The following CCDC93 variants were observed in gnomAD, a reference collection of about 807,000 sequenced individuals.
The protein encoded by CCDC93 is coiled-coil domain-containing protein 93.
A neutral mutation model predicts 108.2 loss-of-function variants in CCDC93; 61 were observed. The ratio of observed to expected loss-of-function variants is 0.56; its 90% CI spans 0.46 to 0.70. CCDC93 has a LOEUF of 0.70. CCDC93 is among the 30% of genes least tolerant of loss of function. CCDC93 has a pLI of 0.00. For missense variants in CCDC93, 685 were observed against 764.2 expected (o/e 0.90, Z 1.22); for synonymous variants, 276 against 260.4 (o/e 1.06, Z -0.58).
intron 3 of CCDC93, 30 bp downstream of exon 3, chr2:118,006,692 C>T (rs1275309855): frequency 2.2e-6 from 3 of 1,350,962 alleles, no homozygotes; most frequent in Admixed American, 3.4e-5. Flanking sequence ...CCCTTCTCCC[C>T]ACCTTTAGGT....
chr2:117,998,823 A>T (rs1680747874), intron 4 of CCDC93: 1 of 152,262 alleles, frequency 6.6e-6, no homozygotes. Context: ...ATAATAATCA[A>T]CACAGGGCCC....
At chr2:117,966,175 C>T (rs1679563579) in intron 11 of CCDC93, among the ~76,000 whole-genome samples, 2 of 152,128 alleles carry the variant, frequency 1.3e-5, no homozygotes, top group Non-Finnish European at 1.5e-5. Flanking sequence ...AAAAGTAATC[C>T]CTGTCTCCTA....
intron 23 of CCDC93, among the ~76,000 whole-genome samples, chr2:117,920,637 G>C (rs1677829732): frequency 6.6e-6 from 1 of 152,300 alleles, no homozygotes; most frequent in African/African-American, 2.4e-5. Flanking sequence ...TGAGAGGATA[G>C]GCACTGTCAT....
At chr2:117,962,517 C>T (rs987211698) in intron 11 of CCDC93, among the ~76,000 whole-genome samples, 2 of 152,156 alleles carry the variant, frequency 1.3e-5, no homozygotes, top group Middle Eastern at 3.2e-3. Flanking sequence ...GTGGCATACG[C>T]CTGTAATCCC....
Position 117,919,756 on chromosome 2 carries a change from G to C in CCDC93, c.*587C>G, listed in dbSNP as rs1255178193. ...TGCTGGCTGGCACCTGGAGGAGCTGGGAACAAAAGGTACCATGGCAGGTGA... is the reference window on the plus strand; with the variant it reads ...TGCTGGCTGGCACCTGGAGGAGCTGCGAACAAAAGGTACCATGGCAGGTGA... On this transcript the variant is annotated 3_prime_UTR_variant, in exon 24 of 24. Coordinates refer to ENST00000376300, the MANE Select transcript of CCDC93 (RefSeq NM_019044.5). 6.6e-6 allele frequency: 1 copy of C among 152,202 alleles called. No individual in the cohort carries two copies. The highest frequency in any genetic ancestry group is 2.4e-5 in the African/African-American group (1 of 41,440). The allele number at this position is 152,202 out of a possible 1,614,324, so 9.4% of individuals were successfully genotyped here. A position where few individuals can be genotyped will look rare whatever the true frequency, so the allele number is the denominator to read the frequency against.
At chr2:117,954,101 C>A (rs1160099392) in intron 12 of CCDC93, among the ~76,000 whole-genome samples, 1 of 152,130 alleles carries the variant, frequency 6.6e-6, no homozygotes, top group Non-Finnish European at 1.5e-5. Context: ...TAAGACAAGG[C>A]TCTAGGAAAG....
intron 7 of CCDC93, among the ~76,000 whole-genome samples, chr2:117,983,599 C>T (rs1446850053): frequency 7.8e-6 from 1 of 128,110 alleles, no homozygotes; most frequent in Non-Finnish European, 1.7e-5. Flanking sequence ...TTAACATTTA[C>T]TGTTTTCTAC....
At chr2:117,958,613 C>T in intron 11 of CCDC93, 132 bp from the exon 12 acceptor site, 1 of 663,538 alleles carries the variant, frequency 1.5e-6, no homozygotes, top group Non-Finnish European at 2.7e-6. Context: ...TTTACAGAGG[C>T]CTGTTCAAAA....
At chr2:118,002,071 A>C (rs1676716699) in intron 3 of CCDC93, among the ~76,000 whole-genome samples, 3 of 152,146 alleles carry the variant, frequency 2.0e-5, no homozygotes, top group Admixed American at 2.0e-4. Flanking sequence ...AGACCCTTTA[A>C]AAAAAATCTT....
chr2:117,965,643 C>A (rs1368530669), intron 11 of CCDC93, among the ~76,000 whole-genome samples: 1 of 152,172 alleles, frequency 6.6e-6, no homozygotes, highest in Non-Finnish European at 1.5e-5. Flanking sequence ...ACCCGGCAGC[C>A]ACTTTATAGG....
chr2:117,967,068 C>T (rs1679608254), intron 11 of CCDC93, among the ~76,000 whole-genome samples: 2 of 152,224 alleles, frequency 1.3e-5, no homozygotes, highest in South Asian at 4.1e-4. Context: ...TCTCAGCTCA[C>T]TGCAACCTCC....
At chr2:117,969,536 G>A (rs1003460792) in intron 11 of CCDC93, among the ~76,000 whole-genome samples, 10 of 152,204 alleles carry the variant, frequency 6.6e-5, no homozygotes, top group African/African-American at 2.2e-4. Context: ...CACAAACAAC[G>A]TGAGAATGAG....
intron 11 of CCDC93, among the ~76,000 whole-genome samples, chr2:117,964,684 A>C (rs1679499448): frequency 6.6e-6 from 1 of 151,906 alleles, no homozygotes; most frequent in African/African-American, 2.4e-5. Context: ...CTGCAACCTC[A>C]AACTCCTGAG....
chr2:117,954,107 G>C (rs1679146254), intron 12 of CCDC93, among the ~76,000 whole-genome samples: 1 of 152,156 alleles, frequency 6.6e-6, no homozygotes. Context: ...AAGGCTCTAG[G>C]AAAGGTCCCC....
chr2:117,985,009 TGGA>T (rs10608000), intron 7 of CCDC93, among the ~76,000 whole-genome samples: 3,318 of 152,230 alleles, frequency 0.022, 123 homozygotes, highest in African/African-American at 0.076. Flanking sequence ...ATGCCTGACT[TGGA>T]GGAGGCATTC....
At chr2:117,988,130 G>T (rs1680373817) in intron 6 of CCDC93, among the ~76,000 whole-genome samples, 1 of 150,696 alleles carries the variant, frequency 6.6e-6, no homozygotes, top group African/African-American at 2.4e-5. Flanking sequence ...ATATATATAT[G>T]ATATATGTAT....
intron 11 of CCDC93, among the ~76,000 whole-genome samples, chr2:117,961,598 T>G (rs1229360689): frequency 1.3e-5 from 2 of 152,206 alleles, no homozygotes; most frequent in East Asian, 3.9e-4. Flanking sequence ...GCAATCTAAA[T>G]TTTTTGTTTC....
chr2:117,962,030 T>C (rs1004184262), intron 11 of CCDC93, among the ~76,000 whole-genome samples: 2 of 152,250 alleles, frequency 1.3e-5, no homozygotes, highest in African/African-American at 4.8e-5. Flanking sequence ...AACTGACAGA[T>C]ATTCACAACT....
In CCDC93 at chr2:117,915,777, CAT is replaced by C. The variant is rs1051166688; in HGVS notation, c.*4564_*4565del. ...ACACGTGTATACGTCTGTGTGAAAA[CAT>C]ATGCACACACATACATCTACACACT... On this transcript the variant is annotated 3_prime_UTR_variant, in exon 24 of 24. Coordinates refer to ENST00000376300, the MANE Select transcript of CCDC93 (RefSeq NM_019044.5). 2 of 151,926 alleles carry C rather than the reference CAT, an allele frequency of 1.3e-5. No individual in the cohort carries two copies. The highest frequency in any genetic ancestry group is 2.9e-5 in the Non-Finnish European group (2 of 67,978). 9.4% of individuals were successfully genotyped at this position (151,926 alleles called of 1,614,324 possible).
Sources: allele counts gnomAD v4.1 joint callset (sites outside exome capture counted in the v4.1 genomes callset), GRCh38; gene constraint gnomAD v4.1.1; transcripts MANE v1.5; gene names NCBI Gene and HGNC (gene_info 2026-07-23, HGNC 2026-07-21).